The following LRRC7 variants were observed in gnomAD, a reference collection of about 807,000 sequenced individuals.
The protein encoded by LRRC7 is leucine rich repeat containing 7, also known as leucine-rich repeat-containing protein 7.
A neutral mutation model predicts 175.7 loss-of-function variants in LRRC7; 23 were observed. That is an observed-to-expected ratio of 0.13 (90% CI 0.09 to 0.19). LRRC7 has a LOEUF of 0.19. Ranked by LOEUF, LRRC7 falls within the 10% of genes least tolerant of loss-of-function variation. LRRC7 has a pLI of 1.00. For synonymous variants in LRRC7, 685 were observed against 680.9 expected, an observed-to-expected ratio of 1.01 and a Z score of -0.09; for missense variants, 1,354 against 1,904.7, an observed-to-expected ratio of 0.71 and a Z score of 5.38.
intron 26 of LRRC7, among the ~76,000 whole-genome samples, chr1:70,111,004 T>C (rs535822731): frequency 3.9e-5 from 6 of 152,266 alleles, no homozygotes; most frequent in Non-Finnish European, 7.4e-5. Flanking sequence ...TGGAGCGAAT[T>C]TATTTACAAA....
chr1:69,901,418 G>A (rs540601044), intron 7 of LRRC7, among the ~76,000 whole-genome samples: 1 of 151,658 alleles, frequency 6.6e-6, no homozygotes, highest in Non-Finnish European at 1.5e-5. Context: ...GAAGAGGCAA[G>A]TTATTTCTCC....
intron 10 of LRRC7, among the ~76,000 whole-genome samples, chr1:69,993,230 G>A: frequency 6.6e-6 from 1 of 152,106 alleles, no homozygotes; most frequent in South Asian, 2.1e-4. Context: ...AATGTGAACT[G>A]TCCCTTTCCC....
At chr1:69,935,132 A>G (rs921719430) in intron 8 of LRRC7, among the ~76,000 whole-genome samples, 2 of 152,132 alleles carry the variant, frequency 1.3e-5, no homozygotes, top group African/African-American at 2.4e-5. Flanking sequence ...CACAGTGGCA[A>G]TGGGTAGCAG....
chr1:69,769,952 T>A (rs565323011), intron 3 of LRRC7, among the ~76,000 whole-genome samples: 220 of 152,204 alleles, frequency 1.4e-3, no homozygotes, highest in African/African-American at 5.0e-3. Context: ...TAGAAAGATA[T>A]CCAGGCTCAT....
At chr1:69,919,406 G>A in intron 7 of LRRC7, 2 of 705,266 alleles carry the variant, frequency 2.8e-6, no homozygotes, top group South Asian at 1.8e-5. Context: ...CGCATGAGCC[G>A]CCCCTCAGGC....
At chr1:70,111,354 C>G (rs1161128035) in intron 26 of LRRC7, among the ~76,000 whole-genome samples, 3 of 152,104 alleles carry the variant, frequency 2.0e-5, no homozygotes, top group African/African-American at 7.2e-5. Context: ...TTGTACTATT[C>G]ATTTTCCCGG....
intron 23 of LRRC7, among the ~76,000 whole-genome samples, chr1:70,054,358 G>A (rs919012054): frequency 3.9e-5 from 6 of 152,152 alleles, no homozygotes; most frequent in Middle Eastern, 3.4e-3. Context: ...GCATACATAT[G>A]TAATACCATG....
chr1:69,786,061 C>T (rs1674374934), intron 3 of LRRC7, among the ~76,000 whole-genome samples: 1 of 152,036 alleles, frequency 6.6e-6, no homozygotes, highest in Non-Finnish European at 1.5e-5. Flanking sequence ...TCACTCAAGT[C>T]AATTATTTTA....
chr1:69,663,807 C>T (rs1042564026), intron 1 of LRRC7, among the ~76,000 whole-genome samples: 4 of 146,890 alleles, frequency 2.7e-5, no homozygotes, highest in South Asian at 2.2e-4. Flanking sequence ...CTGCAAGCTC[C>T]GCTTCCCGGG....
intron 1 of LRRC7, among the ~76,000 whole-genome samples, chr1:69,609,976 T>A (rs1648439360): frequency 6.6e-6 from 1 of 152,032 alleles, no homozygotes; most frequent in African/African-American, 2.4e-5. Context: ...CTATCTTCAA[T>A]AGTGATCACC....
rs770515000 is a variant in LRRC7 at position 70,038,975 on chromosome 1, A to G, written c.3151A>G (p.Ser1051Gly). Residue 1051 changes from serine (S) to glycine (G), a missense_variant, in exon 21 of 27, where the codon AGT (serine) becomes GGT (glycine). This residue lies in a region of LRRC7 where 1,032 missense variants were observed against 1,227.2 expected (regional missense o/e 0.84). Transcript: ENST00000651989. ...TGATGAGATGCTCACCTACGGAAGTAGTAAGGGGCCACAACAACAAAAAGC... is the reference window on the plus strand; with the variant it reads ...TGATGAGATGCTCACCTACGGAAGTGGTAAGGGGCCACAACAACAAAAAGC... ...LDDEMLTYGS[S>G]KGPQQQKASM... 3.7e-6 allele frequency: 6 copies of G among 1,614,058 alleles called. No homozygotes were observed. The highest frequency in any genetic ancestry group is 5.1e-6 in the Non-Finnish European group (6 of 1,179,990).
At chr1:69,759,910 T>C (rs564887606) in intron 2 of LRRC7, among the ~76,000 whole-genome samples, 46 of 152,180 alleles carry the variant, frequency 3.0e-4, no homozygotes, top group Non-Finnish European at 5.7e-4. Flanking sequence ...GACAGGATTG[T>C]ATCCTAATTC....
intron 8 of LRRC7, among the ~76,000 whole-genome samples, chr1:69,959,868 G>A (rs540770717): frequency 6.6e-6 from 1 of 152,178 alleles, no homozygotes; most frequent in Non-Finnish European, 1.5e-5. Context: ...GCTTTTTGAT[G>A]TGCTGCTGGA....
At chr1:70,015,202 A>G (rs1431016714) in intron 13 of LRRC7, among the ~76,000 whole-genome samples, 2 of 152,166 alleles carry the variant, frequency 1.3e-5, no homozygotes, top group East Asian at 3.9e-4. Flanking sequence ...TATTCTTTAT[A>G]TTCATGTTTA....
chr1:69,954,550 A>G (rs144252945), intron 8 of LRRC7, among the ~76,000 whole-genome samples: 57 of 152,170 alleles, frequency 3.7e-4, no homozygotes, highest in Middle Eastern at 3.4e-3. Context: ...TATGAAAAAG[A>G]AAAAATAGAC....
intron 17 of LRRC7, among the ~76,000 whole-genome samples, chr1:70,026,777 A>C (rs1178660423): frequency 6.6e-6 from 1 of 152,138 alleles, no homozygotes; most frequent in East Asian, 1.9e-4. Flanking sequence ...TGGAATAATA[A>C]TTTTATATCT....
At chr1:69,658,828 A>C (rs1657025783) in intron 1 of LRRC7, among the ~76,000 whole-genome samples, 1 of 152,082 alleles carries the variant, frequency 6.6e-6, no homozygotes, top group Non-Finnish European at 1.5e-5. Context: ...AATGGGAGAA[A>C]AGAACAAGAG....
intron 2 of LRRC7, among the ~76,000 whole-genome samples, chr1:69,722,698 C>T (rs375571543): frequency 1.3e-5 from 2 of 152,070 alleles, no homozygotes; most frequent in African/African-American, 4.8e-5. Flanking sequence ...CTTCAAGTTG[C>T]GTTTTTCTAT....
chr1:70,013,740 G>A (rs1018532556), intron 13 of LRRC7, among the ~76,000 whole-genome samples: 2 of 151,914 alleles, frequency 1.3e-5, no homozygotes, highest in East Asian at 1.9e-4. Flanking sequence ...AACAAATATT[G>A]ACTAGAGATA....
Sources: gnomAD v4.1 joint callset for allele counts (sites outside exome capture counted in the v4.1 genomes callset) on GRCh38, gnomAD v4.1.1 for gene constraint, gnomAD v4.1.1 regional missense constraint, MANE v1.5 for transcripts, NCBI Gene and HGNC (gene_info 2026-07-23, HGNC 2026-07-21) for gene names.